The following GRIK3 variants were observed in gnomAD, a reference collection of about 807,000 sequenced individuals.
GRIK3 encodes glutamate receptor ionotropic, kainate 3.
GRIK3 carries 29 observed loss-of-function variants against 102.5 expected under a neutral mutation model. The observed-to-expected ratio is 0.28, with a 90% CI of 0.21 to 0.39. The LOEUF (loss-of-function observed/expected upper bound fraction) is 0.39, where lower values mean the gene tolerates loss of function less well. Ranked by LOEUF, GRIK3 falls within the 10% of genes least tolerant of loss-of-function variation. The pLI is 1.00. For synonymous variants in GRIK3, 511 were observed against 504.9 expected, an observed-to-expected ratio of 1.01 and a Z score of -0.16; for missense variants, 908 against 1,252.4, an observed-to-expected ratio of 0.73 and a Z score of 4.15.
intron 1 of GRIK3, 63 bp from the exon 2 acceptor site, chr1:36,891,159 T>C: frequency 7.7e-7 from 1 of 1,302,652 alleles, no homozygotes; most frequent in South Asian, 1.4e-5. Context: ...GCAAGGATGC[T>C]TGGCTCAAAA....
At chr1:36,825,886 C>G in intron 10 of GRIK3, 60 bp from the exon 11 acceptor site, 1 of 1,210,224 alleles carries the variant, frequency 8.3e-7, no homozygotes, top group Non-Finnish European at 1.2e-6. Flanking sequence ...TAGCGGGAGA[C>G]AGAACACCAT....
At position 36,795,773 on chromosome 1, in the gene GRIK3, T is replaced by C. The variant is rs1642357746; in HGVS notation, c.*6078A>G. On this transcript the variant is annotated 3_prime_UTR_variant, in exon 16 of 16. Coordinates refer to ENST00000373091, the MANE Select transcript of GRIK3 (RefSeq NM_000831.4). ...ATGTCCACAAAGGGCATCCCCTGAATGGCCCAGAGACCAGTGTGTGGGAAC... is the reference window on the plus strand; with the variant it reads ...ATGTCCACAAAGGGCATCCCCTGAACGGCCCAGAGACCAGTGTGTGGGAAC... 6.6e-6 allele frequency: 1 copy of C among 152,156 alleles called. No individual in the cohort carries two copies. The highest frequency in any genetic ancestry group is 2.4e-5 in the African/African-American group (1 of 41,444). 9.4% of individuals were successfully genotyped at this position (152,156 alleles called of 1,614,324 possible). A position where few individuals can be genotyped will look rare whatever the true frequency, so the allele number is the denominator to read the frequency against.
chr1:36,812,213 C>T (rs1642570180), intron 13 of GRIK3, among the ~76,000 whole-genome samples: 1 of 152,080 alleles, frequency 6.6e-6, no homozygotes. Flanking sequence ...ACCTCTCTGA[C>T]AGCATGCCCA....
chr1:36,832,961 C>G (rs555334943), intron 10 of GRIK3, among the ~76,000 whole-genome samples: 4 of 152,336 alleles, frequency 2.6e-5, no homozygotes, highest in African/African-American at 9.6e-5. Context: ...CGCACTGCTC[C>G]TCCGTGTCTT....
intron 3 of GRIK3, among the ~76,000 whole-genome samples, chr1:36,873,368 G>A (rs1640863643): frequency 6.6e-6 from 1 of 152,162 alleles, no homozygotes; most frequent in Non-Finnish European, 1.5e-5. Context: ...TCACTTTCTG[G>A]AGACAAATGG....
chr1:37,032,782 C>T (rs1321900183), intron 1 of GRIK3, among the ~76,000 whole-genome samples: 1 of 152,168 alleles, frequency 6.6e-6, no homozygotes, highest in African/African-American at 2.4e-5. Flanking sequence ...GGGTCCGGCT[C>T]CCGGGCGGCC....
intron 13 of GRIK3, among the ~76,000 whole-genome samples, chr1:36,813,664 G>C (rs1174490348): frequency 1.3e-5 from 2 of 152,084 alleles, no homozygotes; most frequent in Non-Finnish European, 2.9e-5. Flanking sequence ...ACCTGGCCCG[G>C]GGGGAAGGTC....
At chr1:36,890,306 T>C in intron 2 of GRIK3, among the ~76,000 whole-genome samples, 1 of 151,868 alleles carries the variant, frequency 6.6e-6, no homozygotes, top group East Asian at 1.9e-4. Flanking sequence ...CTACTAAAAA[T>C]GCAAAAAATT....
intron 1 of GRIK3, among the ~76,000 whole-genome samples, chr1:36,941,558 G>T (rs530409684): frequency 2.6e-5 from 4 of 152,102 alleles, no homozygotes; most frequent in African/African-American, 4.8e-5. Context: ...GGGGTGGAGG[G>T]GGGGAGTGCT....
At position 36,860,025 on chromosome 1, in the gene GRIK3, G is replaced by C; in HGVS notation, c.787-8C>G. The C allele has an allele frequency of 4.5e-6, 7 of 1,570,150 alleles. No homozygotes were observed. The highest frequency in any genetic ancestry group is 6.0e-6 in the Non-Finnish European group (7 of 1,158,210). ...GTCTAAAGCGTAGAGATCCTGGATA[G>C]AGAGAGGTCTGTGTAAACCAAGGCA... On this transcript the variant is annotated splice_polypyrimidine_tract_variant and splice_region_variant and intron_variant, in intron 5 of 15. Coordinates refer to ENST00000373091, the MANE Select transcript of GRIK3 (RefSeq NM_000831.4).
intron 10 of GRIK3, among the ~76,000 whole-genome samples, chr1:36,827,479 C>T (rs1642767694): frequency 6.6e-6 from 1 of 152,150 alleles, no homozygotes; most frequent in Non-Finnish European, 1.5e-5. Context: ...GGCAATGCCT[C>T]CAGGTGTCCA....
intron 1 of GRIK3, among the ~76,000 whole-genome samples, chr1:37,015,747 C>T (rs190247848): frequency 4.2e-4 from 64 of 152,332 alleles, no homozygotes; most frequent in African/African-American, 1.5e-3. Flanking sequence ...TTTGGAAAGC[C>T]TCCCACGTTG....
intron 10 of GRIK3, among the ~76,000 whole-genome samples, chr1:36,826,067 G>A (rs1378711181): frequency 6.6e-6 from 1 of 152,200 alleles, no homozygotes; most frequent in Non-Finnish European, 1.5e-5. Flanking sequence ...TTGAAGAAGA[G>A]GGTGGTGGAA....
intron 1 of GRIK3, among the ~76,000 whole-genome samples, chr1:36,896,668 T>C (rs1284758531): frequency 6.6e-6 from 1 of 152,158 alleles, no homozygotes; most frequent in African/African-American, 2.4e-5. Flanking sequence ...GTTATATCAA[T>C]TCTCATTTTA....
intron 2 of GRIK3, among the ~76,000 whole-genome samples, chr1:36,888,761 T>C (rs1289022876): frequency 6.6e-6 from 1 of 152,086 alleles, no homozygotes; most frequent in South Asian, 2.1e-4. Flanking sequence ...TCCTCACTCT[T>C]TCCCACCATC....
chr1:36,951,389 G>A (rs1185748446), intron 1 of GRIK3, among the ~76,000 whole-genome samples: 2 of 152,260 alleles, frequency 1.3e-5, no homozygotes, highest in African/African-American at 4.8e-5. Flanking sequence ...AGAAGGGACA[G>A]CAGATGCCCT....
At chr1:36,975,082 A>T (rs550558224) in intron 1 of GRIK3, among the ~76,000 whole-genome samples, 2 of 152,256 alleles carry the variant, frequency 1.3e-5, no homozygotes, top group Non-Finnish European at 2.9e-5. Flanking sequence ...GTGGTGATAG[A>T]TGTACAAGAT....
chr1:36,804,164 C>T (rs1178594948), intron 15 of GRIK3, among the ~76,000 whole-genome samples: 6 of 152,314 alleles, frequency 3.9e-5, no homozygotes, highest in Non-Finnish European at 7.4e-5. Context: ...GATTCCATTT[C>T]GTTTTTTACG....
intron 13 of GRIK3, among the ~76,000 whole-genome samples, chr1:36,811,594 A>G (rs576987748): frequency 3.9e-5 from 6 of 152,180 alleles, no homozygotes; most frequent in East Asian, 1.9e-4. Flanking sequence ...ATCACATTTA[A>G]TCATCTCAAT....
Sources: allele counts gnomAD v4.1 joint callset (sites outside exome capture counted in the v4.1 genomes callset), GRCh38; gene constraint gnomAD v4.1.1; transcripts MANE v1.5; gene names NCBI Gene and HGNC (gene_info 2026-07-23, HGNC 2026-07-21).